Variants in SWT1 observed in about 807,000 individuals in gnomAD.
SWT1 encodes the protein SWT1 RNA endoribonuclease homolog, also known as transcriptional protein SWT1.
In SWT1, 33 loss-of-function variants were observed where a neutral mutation model predicts 107.3. The ratio of observed to expected loss-of-function variants is 0.31; its 90% CI spans 0.23 to 0.41. SWT1 has a LOEUF of 0.41. Ranked by LOEUF, SWT1 falls within the 10% of genes least tolerant of loss-of-function variation. The pLI is 1.00. For missense variants in SWT1, 898 were observed against 1,028.9 expected (o/e 0.87, Z 1.74); for synonymous variants, 345 against 348.3 (o/e 0.99, Z 0.11).
At chr1:185,236,883 A>G (rs978134029) in intron 16 of SWT1, among the ~76,000 whole-genome samples, 5 of 152,222 alleles carry the variant, frequency 3.3e-5, no homozygotes, top group African/African-American at 1.2e-4. Context: ...AAACAACCCC[A>G]TCAAAAAGTG....
At chr1:185,169,696 C>T (rs945567072) in intron 4 of SWT1, among the ~76,000 whole-genome samples, 1 of 152,014 alleles carries the variant, frequency 6.6e-6, no homozygotes, top group Non-Finnish European at 1.5e-5. Context: ...AGTTTGAGAC[C>T]AGCCTGGGCG....
At chr1:185,164,339 ATAAG>A (rs1286322518) in intron 2 of SWT1, among the ~76,000 whole-genome samples, 1 of 152,186 alleles carries the variant, frequency 6.6e-6, no homozygotes, top group Non-Finnish European at 1.5e-5. Flanking sequence ...TTTCTGAATG[ATAAG>A]TAAGTATTGG....
At chr1:185,165,699 A>G (rs1198287630) in intron 2 of SWT1, among the ~76,000 whole-genome samples, 1 of 152,128 alleles carries the variant, frequency 6.6e-6, no homozygotes, top group Non-Finnish European at 1.5e-5. Flanking sequence ...AGGGTTGACA[A>G]AGCCACCTCC....
chr1:185,158,175 C>T (rs1341875857), intron 1 of SWT1, among the ~76,000 whole-genome samples: 1 of 152,104 alleles, frequency 6.6e-6, no homozygotes, highest in African/African-American at 2.4e-5. Context: ...GTTTCAGAAC[C>T]CCGGGGAAGA....
chr1:185,204,690 T>C lies in SWT1; in HGVS notation c.1670-10T>C. On this transcript the variant is annotated splice_polypyrimidine_tract_variant and intron_variant, in intron 11 of 18. Coordinates refer to ENST00000367500, the MANE Select transcript of SWT1 (RefSeq NM_017673.7). ...ATTCTAAATAAAGTCTGTAACTATT[T>C]GTTTTAAAGAAACAACACCCTTGAA... The C allele has an allele frequency of 6.5e-7, 1 of 1,530,176 alleles. No individual in the cohort carries two copies. Among genetic ancestry groups the C allele is most frequent in the South Asian group, 1.3e-5 (1 of 78,656 alleles). The allele number at this position is 1,530,176 out of a possible 1,614,324, so 94.8% of individuals were successfully genotyped here.
intron 2 of SWT1, among the ~76,000 whole-genome samples, chr1:185,162,165 G>A (rs1022318055): frequency 6.6e-6 from 1 of 152,114 alleles, no homozygotes; most frequent in African/African-American, 2.4e-5. Flanking sequence ...TTATTAACTG[G>A]CATGCTGTTT....
intron 10 of SWT1, among the ~76,000 whole-genome samples, chr1:185,200,524 GGAGTTTGCTGGAGTTCCACTCCA>G (rs1396047561): frequency 1.3e-5 from 2 of 152,194 alleles, no homozygotes; most frequent in Non-Finnish European, 2.9e-5. Flanking sequence ...CAGGTCTGCT[GGAGTTTGCTGGAGTTCCACTCCA>G]GACCTTGTTT....
chr1:185,206,640 C>T lies in SWT1; in HGVS notation c.1849C>T (p.Pro617Ser). ...TACTCTTTAGATCCTGTACCTGAAA[C>T]CACCATGGACTCTACTACATTTACT... ...NLWMEILYLK[P>S]PWTLLHLLQC... The change falls in exon 13 of 19, where the codon CCA becomes TCA. Residue 617 changes from proline (P) to serine (S), a missense_variant. Coordinates refer to ENST00000367500, the MANE Select transcript of SWT1 (RefSeq NM_017673.7). 3 of 1,550,138 alleles carry T rather than the reference C, an allele frequency of 1.9e-6. No homozygotes were observed. The highest frequency in any genetic ancestry group is 1.3e-5 in the South Asian group (1 of 78,664).
At position 185,204,754 on chromosome 1, in the gene SWT1, C is replaced by T. The variant is rs749146407; in HGVS notation, c.1724C>T (p.Ser575Phe). 1.2e-6 allele frequency: 2 copies of T among 1,601,576 alleles called. No individual in the cohort carries two copies. Among genetic ancestry groups the T allele is most frequent in the African/African-American group, 2.7e-5 (2 of 74,362 alleles). ...YKEESTNSGL[S>F]ILLESIVSDL... The stretch of plus-strand genomic sequence containing the variant: ...GAGGAATCTACAAATTCTGGACTGT[C>T]CATTCTGCTTGAGAGCATTGTATCT... The change falls in exon 12 of 19, where the codon TCC becomes TTC. Residue 575 changes from serine to phenylalanine, a missense_variant. Coordinates refer to ENST00000367500, the MANE Select transcript of SWT1 (RefSeq NM_017673.7).
intron 7 of SWT1, among the ~76,000 whole-genome samples, chr1:185,182,539 C>T (rs1298348127): frequency 2.0e-5 from 3 of 151,820 alleles, no homozygotes; most frequent in African/African-American, 4.8e-5. Context: ...ATGGGATGCG[C>T]CTGTAGTCGC....
chr1:185,273,159 C>T (rs1664000890), intron 17 of SWT1, among the ~76,000 whole-genome samples: 1 of 152,170 alleles, frequency 6.6e-6, no homozygotes, highest in African/African-American at 2.4e-5. Flanking sequence ...AATCTCAGCA[C>T]TTTGGAAGGC....
At chr1:185,256,555 T>C (rs1662544138) in intron 16 of SWT1, among the ~76,000 whole-genome samples, 1 of 147,542 alleles carries the variant, frequency 6.8e-6, no homozygotes, top group Non-Finnish European at 1.5e-5. Context: ...TGATACCCTT[T>C]CTTCCAGTTG....
In SWT1 at chr1:185,204,732, G is replaced by A; in HGVS notation, c.1702G>A (p.Glu568Lys). 1 of 1,591,330 alleles carries A rather than the reference G, an allele frequency of 6.3e-7. No homozygotes were observed. The highest frequency in any genetic ancestry group is 8.5e-7 in the Non-Finnish European group (1 of 1,171,952). ...TTPLKESYKEESTNSGLSILL... is the reference protein window; with the variant it reads ...TTPLKESYKEKSTNSGLSILL... ...ACCCTTGAAAGAGAGCTATAAGGAG[G>A]AATCTACAAATTCTGGACTGTCCAT... Residue 568 changes from glutamate (E) to lysine (K), a missense_variant, in exon 12 of 19, where the codon GAA becomes AAA. By Grantham distance (56) the Glu-to-Lys change is moderately conservative. This residue lies in a region of SWT1 where 382 missense variants were observed against 460.0 expected (regional missense o/e 0.83). Coordinates refer to ENST00000367500, the MANE Select transcript of SWT1 (RefSeq NM_017673.7).
chr1:185,166,066 C>T (rs1317753076), intron 2 of SWT1, among the ~76,000 whole-genome samples: 2 of 152,218 alleles, frequency 1.3e-5, no homozygotes, highest in Non-Finnish European at 2.9e-5. Context: ...CATCGTCTGA[C>T]ACACTAAATA....
chr1:185,243,094 T>A (rs1661358835), intron 16 of SWT1, among the ~76,000 whole-genome samples: 1 of 152,164 alleles, frequency 6.6e-6, no homozygotes, highest in Admixed American at 6.6e-5. Context: ...TACTCTAGGA[T>A]ACATTCTAAC....
At chr1:185,225,518 C>A (rs975232834) in intron 15 of SWT1, among the ~76,000 whole-genome samples, 3 of 152,090 alleles carry the variant, frequency 2.0e-5, no homozygotes, top group Non-Finnish European at 2.9e-5. Flanking sequence ...TGTTAGAATT[C>A]AGCAATGAAG....
chr1:185,227,711 A>G (rs1660180821), intron 15 of SWT1: 2 of 526,584 alleles, frequency 3.8e-6, no homozygotes, highest in South Asian at 1.5e-5. Context: ...CCTGCAGAAC[A>G]GAGACCTGCG....
Position 185,182,060 on chromosome 1 carries a change from A to AC in SWT1, c.1138+3_1138+4insC. The stretch of plus-strand genomic sequence containing the variant: ...AGATGATGTACATTCCTCCTCTGGT[A>AC]TACCCTATATGTTGATGTGTATGCT... On this transcript the variant is annotated splice_donor_region_variant and intron_variant, in intron 7 of 18. Coordinates refer to ENST00000367500, the MANE Select transcript of SWT1 (RefSeq NM_017673.7). 1 of 1,613,700 alleles carries AC rather than the reference A, an allele frequency of 6.2e-7. No homozygotes were observed.
At chr1:185,234,907 C>T (rs1225988645) in intron 16 of SWT1, among the ~76,000 whole-genome samples, 1 of 152,140 alleles carries the variant, frequency 6.6e-6, no homozygotes, top group African/African-American at 2.4e-5. Context: ...GAAATACAAA[C>T]TACCATCAGA....
Sources: gnomAD v4.1 joint callset for allele counts (sites outside exome capture counted in the v4.1 genomes callset) on GRCh38, gnomAD v4.1.1 for gene constraint, gnomAD v4.1.1 regional missense constraint, MANE v1.5 for transcripts, NCBI Gene and HGNC (gene_info 2026-07-23, HGNC 2026-07-21) for gene names.